The following SCMH1 variants were observed in gnomAD, a reference collection of about 807,000 sequenced individuals.
SCMH1 encodes polycomb protein SCMH1.
In SCMH1, 37 loss-of-function variants were observed where a neutral mutation model predicts 70.8. The observed-to-expected ratio is 0.52, with a 90% CI of 0.40 to 0.69. The LOEUF (loss-of-function observed/expected upper bound fraction) is 0.69. SCMH1 is among the 30% of genes least tolerant of loss of function. The pLI, the probability that SCMH1 is intolerant of heterozygous loss-of-function variation, is 0.00. For missense variants in SCMH1, 607 were observed against 827.3 expected (o/e 0.73, Z 3.27); for synonymous variants, 292 against 307.4 (o/e 0.95, Z 0.52).
chr1:41,137,076 C>T (rs543794497), intron 6 of SCMH1, among the ~76,000 whole-genome samples: 4 of 152,192 alleles, frequency 2.6e-5, no homozygotes, highest in South Asian at 2.1e-4. Flanking sequence ...TTACCATGCC[C>T]GGCCAGGACC....
chr1:41,164,224 C>T (rs1646260863), intron 2 of SCMH1, among the ~76,000 whole-genome samples: 1 of 152,146 alleles, frequency 6.6e-6, no homozygotes, highest in Non-Finnish European at 1.5e-5. Flanking sequence ...GTGCCTACCC[C>T]AGCAGCTCAC....
At chr1:41,039,623 T>A (rs1288821549) in intron 12 of SCMH1, among the ~76,000 whole-genome samples, 1 of 151,156 alleles carries the variant, frequency 6.6e-6, no homozygotes, top group Non-Finnish European at 1.5e-5. Context: ...CATGCCATCA[T>A]GCCCCACTGA....
intron 2 of SCMH1, among the ~76,000 whole-genome samples, chr1:41,180,063 T>C (rs905825386): frequency 1.2e-4 from 18 of 152,076 alleles, no homozygotes; most frequent in Middle Eastern, 3.2e-3. Flanking sequence ...GTTCAACATA[T>C]GCAAATCAAT....
chr1:41,061,125 G>A (rs1196684454), intron 10 of SCMH1, among the ~76,000 whole-genome samples: 2 of 152,150 alleles, frequency 1.3e-5, no homozygotes, highest in Admixed American at 6.5e-5. Context: ...TCATTCCTGG[G>A]CTTGGGACAA....
intron 5 of SCMH1, among the ~76,000 whole-genome samples, chr1:41,148,235 TATC>T (rs1466376609): frequency 1.4e-4 from 21 of 152,232 alleles, no homozygotes; most frequent in Admixed American, 1.4e-3. Flanking sequence ...ACTTATATGT[TATC>T]ATCCTCACAA....
intron 6 of SCMH1, among the ~76,000 whole-genome samples, chr1:41,120,567 T>C (rs1671676317): frequency 6.6e-6 from 1 of 152,172 alleles, no homozygotes; most frequent in Non-Finnish European, 1.5e-5. Context: ...CAGAAATATT[T>C]TGAACCCAAG....
intron 8 of SCMH1, among the ~76,000 whole-genome samples, chr1:41,101,876 G>C (rs898797820): frequency 6.6e-6 from 1 of 152,084 alleles, no homozygotes; most frequent in African/African-American, 2.4e-5. Flanking sequence ...GTTGAACCTA[G>C]ATCTTTTGGT....
At chr1:41,209,313 C>T (rs1656418327) in intron 1 of SCMH1, among the ~76,000 whole-genome samples, 1 of 152,182 alleles carries the variant, frequency 6.6e-6, no homozygotes, top group Non-Finnish European at 1.5e-5. Context: ...ACCATTCCTT[C>T]TGAAACTATT....
chr1:41,073,322 G>A (rs1657157782), intron 9 of SCMH1, among the ~76,000 whole-genome samples: 2 of 152,064 alleles, frequency 1.3e-5, no homozygotes, highest in Admixed American at 6.5e-5. Flanking sequence ...ATTGGTTCTG[G>A]TTCTATCTTT....
At chr1:41,212,444 T>A (rs920652235) in intron 1 of SCMH1, among the ~76,000 whole-genome samples, 1 of 152,188 alleles carries the variant, frequency 6.6e-6, no homozygotes, top group Non-Finnish European at 1.5e-5. Flanking sequence ...TTAAAAGATA[T>A]GCATTGTGAT....
intron 6 of SCMH1, among the ~76,000 whole-genome samples, chr1:41,129,020 C>G (rs1216751567): frequency 2.6e-5 from 4 of 151,990 alleles, no homozygotes; most frequent in African/African-American, 9.7e-5. Flanking sequence ...AATCTAAATC[C>G]TACATTTCTC....
intron 12 of SCMH1, among the ~76,000 whole-genome samples, chr1:41,040,864 CAAAACAAAAAACAG>C (rs1312543191): frequency 6.6e-6 from 1 of 150,954 alleles, no homozygotes; most frequent in African/African-American, 2.4e-5. Flanking sequence ...AAGTCTGTCT[CAAAACAAAAAACAG>C]AAAACAAAAA....
In SCMH1 at chr1:41,205,281, T is replaced by C. The variant is rs536853944; in HGVS notation, c.-117-19031A>G. 3.9e-4 allele frequency among the ~76,000 whole-genome samples: 59 copies of C among 152,332 alleles called. No individual in the cohort carries two copies. In the South Asian group the frequency reaches 6.8e-3, roughly 18 times the overall value. On this transcript the variant is annotated intron_variant, in intron 1 of 14. Transcript: ENST00000337495. ...AGCACAAGGGTTGGGGGATTTCCCT[T>C]TCCTAGCCAAGGGAGGCCGTGACAG... is the stretch of plus-strand genomic sequence containing the variant.
At chr1:41,191,826 G>A (rs1651784196) in intron 1 of SCMH1, among the ~76,000 whole-genome samples, 1 of 152,056 alleles carries the variant, frequency 6.6e-6, no homozygotes, top group African/African-American at 2.4e-5. Flanking sequence ...GTCCTCTTAG[G>A]GAGACAGAAT....
At chr1:41,099,273 T>C (rs1665934829) in intron 8 of SCMH1, 1 of 152,672 alleles carries the variant, frequency 6.5e-6, no homozygotes, top group African/African-American at 2.4e-5. Flanking sequence ...AGGATCTCTC[T>C]TCCACTCCTA....
intron 2 of SCMH1, among the ~76,000 whole-genome samples, chr1:41,168,923 A>T (rs1646603871): frequency 6.6e-6 from 1 of 152,094 alleles, no homozygotes; most frequent in Non-Finnish European, 1.5e-5. Flanking sequence ...ATGTAGCTGG[A>T]GATGTTGAGG....
intron 13 of SCMH1, among the ~76,000 whole-genome samples, chr1:41,031,101 A>G (rs919627800): frequency 2.0e-5 from 3 of 152,180 alleles, no homozygotes; most frequent in African/African-American, 4.8e-5. Context: ...AGCCTGGGCA[A>G]CATTGCGAGA....
intron 1 of SCMH1, among the ~76,000 whole-genome samples, chr1:41,230,528 C>T (rs896861651): frequency 1.3e-5 from 2 of 151,862 alleles, no homozygotes; most frequent in African/African-American, 4.8e-5. Context: ...TTCCATAGCA[C>T]ACGCCTGAGG....
Position 41,239,359 on chromosome 1 carries a change from T to C in SCMH1, c.-118+2700A>G, listed in dbSNP as rs575716544. Among the ~76,000 whole-genome samples, 158 of 152,358 alleles carry C rather than the reference T, an allele frequency of 1.0e-3. 1 individual carries two copies. Among genetic ancestry groups the C allele is most frequent in the African/African-American group, 3.7e-3 (154 of 41,580 alleles). ...CATGTTTGCCTCACTTACTCCTACC[T>C]ACCATTTAAGATTTGGGTCAGATAT... On this transcript the variant is annotated intron_variant, in intron 1 of 14. Coordinates refer to ENST00000337495, the Ensembl canonical transcript of SCMH1.
Sources: allele counts gnomAD v4.1 joint callset (sites outside exome capture counted in the v4.1 genomes callset), GRCh38; gene constraint gnomAD v4.1.1; transcripts MANE v1.5; gene names NCBI Gene and HGNC (gene_info 2026-07-23, HGNC 2026-07-21).